The following GPHN variants were observed in gnomAD, a reference collection of about 807,000 sequenced individuals.
The protein encoded by GPHN is gephyrin.
GPHN carries 17 observed loss-of-function variants against 95.5 expected under a neutral mutation model. The observed-to-expected ratio is 0.18, with a 90% CI of 0.12 to 0.27. The LOEUF is 0.27. Ranked by LOEUF, GPHN falls within the 10% of genes least tolerant of loss-of-function variation. The probability of loss-of-function intolerance (pLI) is 1.00; values close to 1 mark genes in which losing one functional copy is unlikely to be tolerated. For synonymous variants in GPHN, 320 were observed against 322.5 expected (o/e 0.99, Z 0.08); for missense variants, 660 against 978.1 (o/e 0.67, Z 4.34).
chr14:67,716,881 C>CA, the GPHN span, among the ~76,000 whole-genome samples: 224 of 85,072 alleles, frequency 2.6e-3, no homozygotes, highest in East Asian at 0.01. Flanking sequence ...GAGTCTCTGT[C>CA]AAAAAAAAAA....
In GPHN at chr14:66,906,727, G is replaced by A. The variant is rs912160659; in HGVS notation, c.390-9276G>A. On this transcript the variant is annotated intron_variant, in intron 5 of 22. Transcript: ENST00000478722. ...TCTGGTTTCTTGAGATTTCCTCTTT[G>A]ATCCATAGATTATTCAGAAGTTTAT... is the stretch of plus-strand genomic sequence containing the variant. Among the ~76,000 whole-genome samples, 11 of 152,196 alleles carry A rather than the reference G, an allele frequency of 7.2e-5. No homozygotes were observed. The South Asian group carries it at 2.1e-3, about 29-fold the overall frequency.
chr14:67,690,493 T>C, the GPHN span: 2 of 1,271,236 alleles, frequency 1.6e-6, no homozygotes. Flanking sequence ...TGAGCAGGCC[T>C]CACCTATGGG....
intron 9 of GPHN, among the ~76,000 whole-genome samples, chr14:67,020,129 A>G (rs879461291): frequency 2.0e-5 from 3 of 152,128 alleles, no homozygotes; most frequent in Non-Finnish European, 2.9e-5. Context: ...ATATTGGGCC[A>G]TCTCTCTCTT....
the GPHN span, among the ~76,000 whole-genome samples, chr14:67,625,427 C>T: frequency 6.6e-6 from 1 of 151,984 alleles, no homozygotes; most frequent in African/African-American, 2.4e-5. Context: ...GCCTGTAATC[C>T]CAGCACTTTG....
chr14:67,641,747 T>TG, the GPHN span, among the ~76,000 whole-genome samples: 1 of 152,158 alleles, frequency 6.6e-6, no homozygotes, highest in Non-Finnish European at 1.5e-5. Flanking sequence ...TGAGACCAGC[T>TG]GGGGCAACAT....
chr14:66,529,592 C>T (rs1441890506), intron 1 of GPHN, among the ~76,000 whole-genome samples: 2 of 152,114 alleles, frequency 1.3e-5, no homozygotes, highest in Non-Finnish European at 2.9e-5. Flanking sequence ...TTCTCCCTAT[C>T]TTTGTGGATT....
At chr14:66,903,405 A>G (rs1036124019) in intron 5 of GPHN, among the ~76,000 whole-genome samples, 2 of 151,824 alleles carry the variant, frequency 1.3e-5, no homozygotes, top group African/African-American at 2.4e-5. Flanking sequence ...TGTTACAGTT[A>G]CAGTTGTTAC....
intron 1 of GPHN, among the ~76,000 whole-genome samples, chr14:66,573,298 A>G (rs1282711690): frequency 6.6e-6 from 1 of 151,862 alleles, no homozygotes; most frequent in African/African-American, 2.4e-5. Context: ...TGGGATATAG[A>G]TATTTTCTAC....
At chr14:66,620,417 G>A (rs2063241997) in intron 1 of GPHN, among the ~76,000 whole-genome samples, 3 of 152,136 alleles carry the variant, frequency 2.0e-5, no homozygotes, top group African/African-American at 7.2e-5. Flanking sequence ...GATGGCAGAA[G>A]GCAAGGAGGA....
the GPHN span, among the ~76,000 whole-genome samples, chr14:67,369,733 G>A: frequency 6.6e-6 from 1 of 152,104 alleles, no homozygotes; most frequent in African/African-American, 2.4e-5. Flanking sequence ...AAGCCTTAAG[G>A]GAAAATTTAT....
chr14:67,440,579 C>T, the GPHN span, among the ~76,000 whole-genome samples: 1 of 152,114 alleles, frequency 6.6e-6, no homozygotes, highest in African/African-American at 2.4e-5. Context: ...GGGTGAAAAC[C>T]CATCTCTACT....
intron 2 of GPHN, among the ~76,000 whole-genome samples, chr14:66,767,138 C>A (rs1370469351): frequency 6.6e-6 from 1 of 151,796 alleles, no homozygotes; most frequent in Non-Finnish European, 1.5e-5. Context: ...TTTCAAGATG[C>A]CTATTACGCA....
intron 4 of GPHN, among the ~76,000 whole-genome samples, chr14:66,837,745 A>G (rs897039123): frequency 7.9e-5 from 12 of 151,896 alleles, no homozygotes; most frequent in African/African-American, 2.9e-4. Context: ...AATTTTTGCA[A>G]TTTTGAGAAT....
At chr14:67,303,443 TA>T in the GPHN span, 1 of 1,148,114 alleles carries the variant, frequency 8.7e-7, no homozygotes, top group Non-Finnish European at 1.3e-6. Flanking sequence ...TAGTCCAGTT[TA>T]GGGAATATAG....
At chr14:67,048,597 G>A (rs1246043877) in intron 10 of GPHN, among the ~76,000 whole-genome samples, 1 of 152,194 alleles carries the variant, frequency 6.6e-6, no homozygotes, top group Non-Finnish European at 1.5e-5. Flanking sequence ...GACAGCTATA[G>A]TGGGGAAGAT....
chr14:66,645,969 T>TG, intron 1 of GPHN, among the ~76,000 whole-genome samples: 1 of 152,086 alleles, frequency 6.6e-6, no homozygotes. Flanking sequence ...TCTGATACAA[T>TG]GCTTTTCCCA....
intron 2 of GPHN, among the ~76,000 whole-genome samples, chr14:66,737,954 C>T (rs1000126296): frequency 2.6e-5 from 4 of 152,182 alleles, no homozygotes; most frequent in African/African-American, 9.7e-5. Context: ...GCAAGTTACA[C>T]ACTTTAGAAC....
At chr14:67,489,883 G>A in the GPHN span, among the ~76,000 whole-genome samples, 6 of 152,224 alleles carry the variant, frequency 3.9e-5, no homozygotes, top group African/African-American at 1.4e-4. Context: ...CCAGCTACTT[G>A]GGAGGCTGAG....
intron 3 of GPHN, among the ~76,000 whole-genome samples, chr14:66,816,400 G>A (rs1162639042): frequency 6.6e-6 from 1 of 152,098 alleles, no homozygotes; most frequent in Admixed American, 6.5e-5. Context: ...CACATCATCA[G>A]AAGTAAAACG....
Sources: gnomAD v4.1 joint callset for allele counts (sites outside exome capture counted in the v4.1 genomes callset) on GRCh38, gnomAD v4.1.1 for gene constraint, MANE v1.5 for transcripts, NCBI Gene and HGNC (gene_info 2026-07-23, HGNC 2026-07-21) for gene names.